Variants in ZFP82 observed in about 807,000 individuals in gnomAD.
The protein encoded by ZFP82 is zinc finger protein 82 homolog.
ZFP82 carries 30 observed loss-of-function variants against 54.0 expected under a neutral mutation model. The ratio of observed to expected loss-of-function variants is 0.56; its 90% CI spans 0.42 to 0.75. The LOEUF is 0.75. Among genes scored for constraint, ZFP82 ranks in the 30% least tolerant of loss-of-function variants. ZFP82 has a pLI of 0.00. For synonymous variants in ZFP82, 194 were observed against 209.5 expected (o/e 0.93, Z 0.64); for missense variants, 500 against 636.8 (o/e 0.79, Z 2.31).
chr19:36,401,931 C>A (rs2945957), intron 4 of ZFP82, among the ~76,000 whole-genome samples: 1 of 152,006 alleles, frequency 6.6e-6, no homozygotes, highest in Non-Finnish European at 1.5e-5. Flanking sequence ...AGAAAGTCAT[C>A]TGTCCACTTT....
chr19:36,413,756 A>G (rs919165626), intron 1 of ZFP82, among the ~76,000 whole-genome samples: 2 of 152,220 alleles, frequency 1.3e-5, no homozygotes, highest in African/African-American at 4.8e-5. Flanking sequence ...AAACTAAGGA[A>G]TAAACAGTAC....
intron 4 of ZFP82, among the ~76,000 whole-genome samples, chr19:36,404,550 T>C (rs1319049611): frequency 6.6e-6 from 1 of 152,218 alleles, no homozygotes; most frequent in Non-Finnish European, 1.5e-5. Context: ...ACATTTACCC[T>C]TTTAATGCAT....
At position 36,393,795 on chromosome 19, in the gene ZFP82, C is replaced by T. The variant is rs373111886; in HGVS notation, c.545G>A (p.Arg182His). 40 of 1,613,878 alleles carry T rather than the reference C, an allele frequency of 2.5e-5. No homozygotes were observed. The African/African-American group carries it at 4.1e-4, about 17-fold the overall frequency. The change falls in exon 5 of 5, where the codon CGC becomes CAC. Residue 182 changes from arginine to histidine, a missense_variant. By Grantham distance (29) the Arg-to-His change is conservative. Coordinates refer to ENST00000392161, the MANE Select transcript of ZFP82 (RefSeq NM_133466.4). ...TCTGTGATGAAAAGTAAGCTGTTGGCGCACTCTGAACGCCTTCCCACATTC... is the reference window on the plus strand; with the variant it reads ...TCTGTGATGAAAAGTAAGCTGTTGGTGCACTCTGAACGCCTTCCCACATTC... ...CKECGKAFRV[R>H]QQLTFHHRIH...
intron 1 of ZFP82, among the ~76,000 whole-genome samples, chr19:36,416,900 C>T (rs866084673): frequency 6.6e-6 from 1 of 151,404 alleles, no homozygotes; most frequent in African/African-American, 2.4e-5. Flanking sequence ...TGGTAAAACC[C>T]GGTCTGTACT....
intron 4 of ZFP82, among the ~76,000 whole-genome samples, chr19:36,405,001 T>C (rs984387246): frequency 6.6e-6 from 1 of 151,974 alleles, no homozygotes; most frequent in Non-Finnish European, 1.5e-5. Context: ...CTGGCCAACA[T>C]GGTGAAACCC....
rs1177980183 is a variant in ZFP82, at chr19:36,392,562, A to C, written c.*179T>G. The C allele has an allele frequency of 1.8e-6, 1 of 552,094 alleles. No homozygotes were observed. The allele number at this position is 552,094 out of a possible 1,614,324, so 34.2% of individuals were successfully genotyped here. On this transcript the variant is annotated 3_prime_UTR_variant, in exon 5 of 5. Transcript: ENST00000392161. ...TCTTTTTCATTCTTATAACAGGATTAGTTTTTAGAACAAATATGCTGAAGT... is the reference window on the plus strand; with the variant it reads ...TCTTTTTCATTCTTATAACAGGATTCGTTTTTAGAACAAATATGCTGAAGT...
At chr19:36,384,978 T>G (rs1600092746), downstream of ZFP82, among the ~76,000 whole-genome samples, 1 of 152,094 alleles carries the variant, frequency 6.6e-6, no homozygotes, top group East Asian at 1.9e-4. Context: ...AAATAAAGAG[T>G]TGTGGCAATA....
chr19:36,413,831 G>C (rs777907088), intron 1 of ZFP82, among the ~76,000 whole-genome samples: 5 of 151,802 alleles, frequency 3.3e-5, no homozygotes, highest in Non-Finnish European at 7.4e-5. Flanking sequence ...ATGGCTTACT[G>C]TAAGCACTAA....
intron 1 of ZFP82, among the ~76,000 whole-genome samples, chr19:36,411,491 A>C (rs1406589098): frequency 6.6e-6 from 1 of 152,224 alleles, no homozygotes; most frequent in East Asian, 1.9e-4. Context: ...TAGATTTCAA[A>C]GTATGTACAA....
At position 36,392,558 on chromosome 19, in the gene ZFP82, G is replaced by T. The variant is rs1050084242; in HGVS notation, c.*183C>A. ...AATGTCTTTTTCATTCTTATAACAG[G>T]ATTAGTTTTTAGAACAAATATGCTG... On this transcript the variant is annotated 3_prime_UTR_variant, in exon 5 of 5. Transcript: ENST00000392161. 9.3e-5 allele frequency: 51 copies of T among 548,676 alleles called. No homozygotes were observed. Among genetic ancestry groups the T allele is most frequent in the African/African-American group, 8.6e-4 (45 of 52,578 alleles). The allele number at this position is 548,676 out of a possible 1,614,324, so 34.0% of individuals were successfully genotyped here.
chr19:36,383,127 G>A (rs2032078100), exon 2 of ZFP82: 1 of 152,052 alleles, frequency 6.6e-6, no homozygotes, highest in African/African-American at 2.4e-5. Context: ...AACTGATCCA[G>A]TGCTTTTTAT....
chr19:36,393,816 C>G lies in ZFP82; in HGVS notation c.524G>C (p.Cys175Ser). 6.2e-7 allele frequency: 1 copy of G among 1,614,224 alleles called. No homozygotes were observed. Among genetic ancestry groups the G allele is most frequent in the Non-Finnish European group, 8.5e-7 (1 of 1,180,040 alleles). The change falls in exon 5 of 5, where the codon TGT becomes TCT. Residue 175 changes from cysteine to serine, a missense_variant. By Grantham distance (112) the Cys-to-Ser change is moderately radical. Transcript: ENST00000392161. ...FVDKPYECKE[C>S]GKAFRVRQQL... ...TTGGCGCACTCTGAACGCCTTCCCA[C>G]ATTCCTTACATTCATAGGGTTTATC...
chr19:36,386,695 T>C (rs1439548902), downstream of ZFP82, among the ~76,000 whole-genome samples: 1 of 152,152 alleles, frequency 6.6e-6, no homozygotes, highest in African/African-American at 2.4e-5. Context: ...CCCAGCACTT[T>C]GGAGGCCGAG....
At chr19:36,406,874 C>A (rs138531877) in intron 3 of ZFP82, among the ~76,000 whole-genome samples, 62 of 152,172 alleles carry the variant, frequency 4.1e-4, no homozygotes, top group African/African-American at 1.4e-3. Context: ...TGATACATGT[C>A]ATTGTGGAAT....
intron 1 of ZFP82, among the ~76,000 whole-genome samples, chr19:36,416,063 A>G (rs1457638553): frequency 1.3e-5 from 2 of 152,240 alleles, no homozygotes; most frequent in Non-Finnish European, 2.9e-5. Flanking sequence ...GCTTATTAAG[A>G]GCGATTCATA....
downstream of ZFP82, among the ~76,000 whole-genome samples, chr19:36,385,439 G>A (rs565346691): frequency 2.6e-5 from 4 of 152,320 alleles, no homozygotes; most frequent in East Asian, 5.8e-4. Flanking sequence ...GGAAAAGTAC[G>A]CAGTTGCTAT....
chr19:36,386,922 G>A (rs10402218), downstream of ZFP82, among the ~76,000 whole-genome samples: 3,432 of 152,300 alleles, frequency 0.023, 95 homozygotes, highest in African/African-American at 0.077. Context: ...GTGACAGAGC[G>A]AGACTCCGTC....
intron 3 of ZFP82, among the ~76,000 whole-genome samples, chr19:36,406,994 TATACA>T (rs1180509032): frequency 1.3e-5 from 2 of 152,100 alleles, no homozygotes; most frequent in Middle Eastern, 3.4e-3. Context: ...GAATATACAA[TATACA>T]ATACATTATT....
chr19:36,384,577 A>G (rs2032095794), downstream of ZFP82: 1 of 152,206 alleles, frequency 6.6e-6, no homozygotes, highest in Non-Finnish European at 1.5e-5. Context: ...TCCCCCAAGA[A>G]ATATAGTACA....
Sources: gnomAD v4.1 joint callset for allele counts (sites outside exome capture counted in the v4.1 genomes callset) on GRCh38, gnomAD v4.1.1 for gene constraint, MANE v1.5 for transcripts, NCBI Gene and HGNC (gene_info 2026-07-23, HGNC 2026-07-21) for gene names.